EIF1: variants seen among roughly 807,000 people sequenced by gnomAD.
EIF1 encodes eukaryotic translation initiation factor 1, also known as protein translation factor SUI1 homolog.
A neutral mutation model predicts 13.7 loss-of-function variants in EIF1; 4 were observed. The observed-to-expected ratio is 0.29, with a 90% CI of 0.14 to 0.67. The LOEUF (loss-of-function observed/expected upper bound fraction) is 0.67, where lower values mean the gene tolerates loss of function less well. EIF1 is among the 30% of genes least tolerant of loss of function. The pLI, the probability that EIF1 is intolerant of heterozygous loss-of-function variation, is 0.77. For synonymous variants in EIF1, 67 were observed against 50.7 expected (o/e 1.32, Z -1.37); for missense variants, 64 against 138.0 (o/e 0.46, Z 2.69).
At chr17:41,689,185 A>T in intron 1 of EIF1, 116 bp downstream of exon 1, 1 of 1,245,968 alleles carries the variant, frequency 8.0e-7, no homozygotes, top group Non-Finnish European at 1.2e-6. Context: ...GGCAGGGGAA[A>T]CTTGACCAGG....
At chr17:41,690,259 C>A in intron 3 of EIF1, 70 bp downstream of exon 3, 1 of 1,376,304 alleles carries the variant, frequency 7.3e-7, no homozygotes, top group Non-Finnish European at 1.0e-6. Flanking sequence ...TTAGCTTCTG[C>A]TGGGGACATA....
chr17:41,689,812 G>A lies in EIF1; in HGVS notation c.66G>A (p.Leu22=). ...CTGATGCAAGTAAGGGTGATGACCT[G>A]CTTCCTGCTGGCACTGAGGATTATA... ...PFADASKGDD[L]LPAGTEDYIH... is the part of the protein sequence containing the mutation. The change falls in exon 2 of 4, where the codon CTG becomes CTA. Residue 22 remains leucine (L), a synonymous_variant. Transcript: ENST00000469257. 2 of 1,612,952 alleles carry A rather than the reference G, an allele frequency of 1.2e-6. No individual in the cohort carries two copies. Among genetic ancestry groups the A allele is most frequent in the Non-Finnish European group, 1.7e-6 (2 of 1,179,304 alleles).
chr17:41,689,588 C>G (rs1910309519), intron 1 of EIF1, 190 bp from the exon 2 acceptor site: 1 of 539,088 alleles, frequency 1.9e-6, no homozygotes, highest in Admixed American at 3.7e-5. Flanking sequence ...GGGCGTTCCC[C>G]GAGCCTGGGG....
At chr17:41,689,185 A>C (rs955246559) in intron 1 of EIF1, 116 bp downstream of exon 1, 1 of 1,245,968 alleles carries the variant, frequency 8.0e-7, no homozygotes, top group Non-Finnish European at 1.2e-6. Flanking sequence ...GGCAGGGGAA[A>C]CTTGACCAGG....
At position 41,691,108 on chromosome 17, in the gene EIF1, G is replaced by A. The variant is rs1910364165; in HGVS notation, c.*282G>A. ...CCGTCATGTTTCAGCCAAGCCCAGAGCCCTAAGATTACAAACAACTATGGC... is the reference window on the plus strand; with the variant it reads ...CCGTCATGTTTCAGCCAAGCCCAGAACCCTAAGATTACAAACAACTATGGC... On this transcript the variant is annotated 3_prime_UTR_variant, in exon 4 of 4. Coordinates refer to ENST00000469257, the MANE Select transcript of EIF1 (RefSeq NM_005801.4). 1 of 543,826 alleles carries A rather than the reference G, an allele frequency of 1.8e-6. No homozygotes were observed. The highest frequency in any genetic ancestry group is 3.3e-6 in the Non-Finnish European group (1 of 304,668). 33.7% of individuals were successfully genotyped at this position (543,826 alleles called of 1,614,324 possible). A position where few individuals can be genotyped will look rare whatever the true frequency, so the allele number is the denominator to read the frequency against.
In EIF1 at chr17:41,691,731, C is replaced by A. The variant is rs1355124857; in HGVS notation, c.*905C>A. On this transcript the variant is annotated 3_prime_UTR_variant, in exon 4 of 4. Transcript: ENST00000469257. ...TGGGCAGTGGAGGATTCGTCCACAC[C>A]CACAGCTTCTCAACGGGCCTGAATT... The A allele has an allele frequency of 6.6e-6, 1 of 152,572 alleles. No individual in the cohort carries two copies. Among genetic ancestry groups the A allele is most frequent in the Non-Finnish European group, 1.5e-5 (1 of 68,042 alleles). The allele number at this position is 152,572 out of a possible 1,614,324, so 9.5% of individuals were successfully genotyped here. A position where few individuals can be genotyped will look rare whatever the true frequency, so the allele number is the denominator to read the frequency against.
chr17:41,690,565 AC>A (rs1385836929), intron 3 of EIF1: 2 of 581,506 alleles, frequency 3.4e-6, no homozygotes, highest in African/African-American at 3.7e-5. Flanking sequence ...GATTTCAGAT[AC>A]CTGATGAGTC....
intron 2 of EIF1, 42 bp downstream of exon 2, chr17:41,689,983 G>A: frequency 6.2e-7 from 1 of 1,611,974 alleles, no homozygotes; most frequent in Non-Finnish European, 8.5e-7. Flanking sequence ...TAATGGATTT[G>A]TCCACAAGGG....
chr17:41,691,118 T>G lies in EIF1; in HGVS notation c.*292T>G. On this transcript the variant is annotated 3_prime_UTR_variant, in exon 4 of 4. Coordinates refer to ENST00000469257, the MANE Select transcript of EIF1 (RefSeq NM_005801.4). ...TCAGCCAAGCCCAGAGCCCTAAGAT[T>G]ACAAACAACTATGGCCGGAACCTCC... 1 of 535,990 alleles carries G rather than the reference T, an allele frequency of 1.9e-6. No individual in the cohort carries two copies. Among genetic ancestry groups the G allele is most frequent in the Non-Finnish European group, 3.3e-6 (1 of 300,230 alleles). The allele number at this position is 535,990 out of a possible 1,614,324, so 33.2% of individuals were successfully genotyped here. A position where few individuals can be genotyped will look rare whatever the true frequency, so the allele number is the denominator to read the frequency against.
rs959083726 is a variant in EIF1, at chr17:41,692,153, C to T, written c.*1327C>T. 6.6e-6 allele frequency: 1 copy of T among 152,196 alleles called. No individual in the cohort carries two copies. 9.4% of individuals were successfully genotyped at this position (152,196 alleles called of 1,614,324 possible). On this transcript the variant is annotated 3_prime_UTR_variant, in exon 4 of 4. Coordinates refer to ENST00000469257, the MANE Select transcript of EIF1 (RefSeq NM_005801.4). Reference sequence around the variant, plus strand: ...TCATGCTGTGCTGTTAATCAGTGTCCTGGAGAATGGGTTGCTTGGAAATCT... The same window carrying T: ...TCATGCTGTGCTGTTAATCAGTGTCTTGGAGAATGGGTTGCTTGGAAATCT...
In EIF1 at chr17:41,690,901, A is replaced by G. The variant is rs1166299265; in HGVS notation, c.*75A>G. The G allele has an allele frequency of 2.6e-6, 4 of 1,557,762 alleles. No homozygotes were observed. The highest frequency in any genetic ancestry group is 1.1e-5 in the South Asian group (1 of 89,854). On this transcript the variant is annotated 3_prime_UTR_variant, in exon 4 of 4. Coordinates refer to ENST00000469257, the MANE Select transcript of EIF1 (RefSeq NM_005801.4). ...GAATTTCCCTTCTCTCCCTTGTCAC[A>G]GGTTTAAAAACCTCACAGCTTGTAT...
At chr17:41,689,117 C>A in intron 1 of EIF1, 48 bp downstream of exon 1, 1 of 1,603,874 alleles carries the variant, frequency 6.2e-7, no homozygotes, top group African/African-American at 1.3e-5. Context: ...GCGGGGCCTT[C>A]CGGGCCCGGA....
intron 3 of EIF1, 85 bp from the exon 4 acceptor site, chr17:41,690,697 A>T: frequency 6.8e-7 from 1 of 1,479,230 alleles, no homozygotes; most frequent in Non-Finnish European, 9.4e-7. Flanking sequence ...GTGTAGTAGC[A>T]GGAAGACAGG....
At chr17:41,689,157 C>A in intron 1 of EIF1, 88 bp downstream of exon 1, 1 of 1,463,232 alleles carries the variant, frequency 6.8e-7, no homozygotes, top group Non-Finnish European at 9.5e-7. Context: ...CCAAGCGCTC[C>A]GGGCCTTCGT....
In EIF1 at chr17:41,691,004, G is replaced by C. The variant is rs962929804; in HGVS notation, c.*178G>C. The C allele has an allele frequency of 6.1e-6, 4 of 653,384 alleles. No individual in the cohort carries two copies. Among genetic ancestry groups the C allele is most frequent in the African/African-American group, 5.5e-5 (3 of 55,036 alleles). 40.5% of individuals were successfully genotyped at this position (653,384 alleles called of 1,614,324 possible). A position where few individuals can be genotyped will look rare whatever the true frequency, so the allele number is the denominator to read the frequency against. On this transcript the variant is annotated 3_prime_UTR_variant, in exon 4 of 4. Coordinates refer to ENST00000469257, the MANE Select transcript of EIF1 (RefSeq NM_005801.4). Reference sequence around the variant, plus strand: ...GCAATAAACTGAAAAGAGCCATGCTGTCTAGTCTTGAAGTCCCTCATTTAA... The same window carrying C: ...GCAATAAACTGAAAAGAGCCATGCTCTCTAGTCTTGAAGTCCCTCATTTAA...
rs889858551 is a variant in EIF1 at position 41,688,925 on chromosome 17, C to A, written c.-114C>A. On this transcript the variant is annotated 5_prime_UTR_variant, in exon 1 of 4. Transcript: ENST00000469257. ...CCGCCGCCGAGGATTCAGCAGCCTC[C>A]CCCTTGAGCCCCCTCGCTTCCCGAC... 5 of 1,065,276 alleles carry A rather than the reference C, an allele frequency of 4.7e-6. No individual in the cohort carries two copies. The highest frequency in any genetic ancestry group is 2.5e-5 in the East Asian group (1 of 40,210). 66.0% of individuals were successfully genotyped at this position (1,065,276 alleles called of 1,614,324 possible).
In EIF1 at chr17:41,690,081, C is replaced by T. The variant is rs764611759; in HGVS notation, c.196-7C>T. On this transcript the variant is annotated splice_polypyrimidine_tract_variant and splice_region_variant and intron_variant, in intron 2 of 3. Coordinates refer to ENST00000469257, the MANE Select transcript of EIF1 (RefSeq NM_005801.4). ...TAGGCCTAATTCGTTTTCCTTTGTG[C>T]TTGCAGAAGTTTGCCTGCAATGGTA... 1.2e-6 allele frequency: 2 copies of T among 1,613,606 alleles called. No homozygotes were observed.
chr17:41,691,252 C>G lies in EIF1; in HGVS notation c.*426C>G. On this transcript the variant is annotated 3_prime_UTR_variant, in exon 4 of 4. Transcript: ENST00000469257. ...GGGTAAGGCAGAAGCACCAGCTGTA[C>G]TACTAGAAGGGAGCTTTTGGTGGTA... 3.1e-6 allele frequency: 1 copy of G among 318,138 alleles called. No individual in the cohort carries two copies. Among genetic ancestry groups the G allele is most frequent in the Non-Finnish European group, 5.7e-6 (1 of 175,124 alleles). The allele number at this position is 318,138 out of a possible 1,614,324, so 19.7% of individuals were successfully genotyped here.
At chr17:41,689,341 C>T in intron 1 of EIF1, 1 of 567,102 alleles carries the variant, frequency 1.8e-6, no homozygotes, top group Non-Finnish European at 3.1e-6. Context: ...TCGGGCCACA[C>T]CCGCCCCTCC....
Sources: gnomAD v4.1 joint callset for allele counts on GRCh38, gnomAD v4.1.1 for gene constraint, MANE v1.5 for transcripts, NCBI Gene and HGNC (gene_info 2026-07-23, HGNC 2026-07-21) for gene names.